Variants in GRM5 observed in about 807,000 individuals in gnomAD.
The protein encoded by GRM5 is glutamate metabotropic receptor 5, also known as metabotropic glutamate receptor 5.
GRM5 carries 19 observed loss-of-function variants against 83.1 expected under a neutral mutation model. The ratio of observed to expected loss-of-function variants is 0.23; its 90% CI spans 0.16 to 0.34. The LOEUF (loss-of-function observed/expected upper bound fraction) is 0.34. Ranked by LOEUF, GRM5 falls within the 10% of genes least tolerant of loss-of-function variation. GRM5 has a pLI of 1.00. For synonymous variants in GRM5, 675 were observed against 633.6 expected, an observed-to-expected ratio of 1.07 and a Z score of -0.98; for missense variants, 1,160 against 1,588.3, an observed-to-expected ratio of 0.73 and a Z score of 4.58.
chr11:88,602,004 T>G (rs1245837534), intron 5 of GRM5, among the ~76,000 whole-genome samples: 1 of 152,200 alleles, frequency 6.6e-6, no homozygotes, highest in African/African-American at 2.4e-5. Context: ...TGATCTAGTC[T>G]GTTAATGGTA....
chr11:88,688,808 G>C (rs1444282679), intron 3 of GRM5, among the ~76,000 whole-genome samples: 2 of 152,136 alleles, frequency 1.3e-5, no homozygotes, highest in South Asian at 2.1e-4. Context: ...CTTTGGATCA[G>C]AGAGACCTGG....
At chr11:88,699,184 T>C (rs1335212591) in intron 3 of GRM5, among the ~76,000 whole-genome samples, 1 of 152,188 alleles carries the variant, frequency 6.6e-6, no homozygotes, top group Non-Finnish European at 1.5e-5. Context: ...CAATGTGTTC[T>C]ATATTCACAT....
At chr11:88,582,840 T>C (rs1453776208) in intron 7 of GRM5, among the ~76,000 whole-genome samples, 1 of 152,108 alleles carries the variant, frequency 6.6e-6, no homozygotes, top group Non-Finnish European at 1.5e-5. Context: ...CTTCTATAAT[T>C]TCCTGAAAAT....
chr11:88,718,699 C>T (rs1436174216), intron 3 of GRM5, among the ~76,000 whole-genome samples: 1 of 151,886 alleles, frequency 6.6e-6, no homozygotes, highest in Admixed American at 6.6e-5. Context: ...TTCCTAGTTT[C>T]CATTTTGATT....
At chr11:88,902,647 T>C (rs892508414) in intron 2 of GRM5, among the ~76,000 whole-genome samples, 34 of 151,294 alleles carry the variant, frequency 2.2e-4, no homozygotes, top group African/African-American at 8.3e-4. Flanking sequence ...AACAGAAAAA[T>C]AAATATGTGT....
At chr11:88,774,619 G>A (rs112684491) in intron 3 of GRM5, among the ~76,000 whole-genome samples, 3 of 152,238 alleles carry the variant, frequency 2.0e-5, no homozygotes, top group Admixed American at 6.5e-5. Flanking sequence ...TTTGAGATAC[G>A]TTCCATCAAT....
intron 8 of GRM5, among the ~76,000 whole-genome samples, chr11:88,549,220 T>C (rs1253695310): frequency 6.6e-6 from 1 of 151,882 alleles, no homozygotes; most frequent in East Asian, 1.9e-4. Flanking sequence ...TCCCAGCAAT[T>C]TGGGAGACCA....
At chr11:88,926,909 A>G (rs1945799137) in intron 2 of GRM5, among the ~76,000 whole-genome samples, 1 of 152,168 alleles carries the variant, frequency 6.6e-6, no homozygotes, top group South Asian at 2.1e-4. Flanking sequence ...GACTACATAA[A>G]TTAATTATTT....
intron 7 of GRM5, among the ~76,000 whole-genome samples, chr11:88,576,144 G>A (rs1943105276): frequency 6.6e-6 from 1 of 152,148 alleles, no homozygotes; most frequent in South Asian, 2.1e-4. Context: ...AAAGCGTGCT[G>A]ACTGGAATAA....
At chr11:89,032,202 T>C (rs1156449671) in intron 2 of GRM5, among the ~76,000 whole-genome samples, 21 of 152,204 alleles carry the variant, frequency 1.4e-4, no homozygotes, top group Non-Finnish European at 3.1e-4. Context: ...GCATCAATCA[T>C]TTTACAATTG....
intron 2 of GRM5, among the ~76,000 whole-genome samples, chr11:89,012,550 A>G (rs1351462787): frequency 2.0e-5 from 3 of 152,238 alleles, no homozygotes; most frequent in South Asian, 2.1e-4. Context: ...ATGACTCTAC[A>G]TTGAATGCAT....
At chr11:88,776,925 G>A (rs1023321475) in intron 3 of GRM5, among the ~76,000 whole-genome samples, 1 of 152,156 alleles carries the variant, frequency 6.6e-6, no homozygotes, top group Non-Finnish European at 1.5e-5. Flanking sequence ...TCTTGGGGTT[G>A]CTCTTCTTGA....
intron 8 of GRM5, among the ~76,000 whole-genome samples, chr11:88,536,466 C>T (rs1000222579): frequency 2.0e-5 from 3 of 152,180 alleles, no homozygotes; most frequent in African/African-American, 7.2e-5. Flanking sequence ...CTCTCTCTTT[C>T]CCTTTGCCTC....
intron 2 of GRM5, among the ~76,000 whole-genome samples, chr11:88,945,246 C>A (rs545511807): frequency 6.6e-6 from 1 of 151,882 alleles, no homozygotes; most frequent in East Asian, 1.9e-4. Context: ...TCATAGATGA[C>A]ACAAAACAAA....
chr11:88,524,214 C>CTTTTTTTTTT (rs71470770), intron 9 of GRM5, among the ~76,000 whole-genome samples: 2 of 101,406 alleles, frequency 2.0e-5, no homozygotes, highest in South Asian at 3.3e-4. Flanking sequence ...TTCTTTCTTT[C>CTTTTTTTTTT]TTTTTTTTTT....
chr11:88,855,521 A>T (rs1306420068), intron 2 of GRM5, among the ~76,000 whole-genome samples: 3 of 151,928 alleles, frequency 2.0e-5, no homozygotes, highest in Non-Finnish European at 2.9e-5. Flanking sequence ...TTGCTAAAAA[A>T]GTTTATAATT....
At position 88,788,430 on chromosome 11, in the gene GRM5, G is replaced by GA. The variant is rs1157294161; in HGVS notation, c.911+61475dup. 9.2e-5 allele frequency among the ~76,000 whole-genome samples: 14 copies of GA among 151,958 alleles called. No individual in the cohort carries two copies. In the East Asian group the frequency reaches 2.3e-3, roughly 25 times the overall value. Reference sequence around the variant, plus strand: ...GCCATGTGAGGTGTTAAAGCACATGGAAAAAAATGGGATGGTAGGAAGAAT... The same window carrying GA: ...GCCATGTGAGGTGTTAAAGCACATGGAAAAAAAATGGGATGGTAGGAAGAAT... On this transcript the variant is annotated intron_variant, in intron 3 of 9. Transcript: ENST00000305447.
intron 3 of GRM5, among the ~76,000 whole-genome samples, chr11:88,676,888 A>G (rs1940343080): frequency 6.6e-6 from 1 of 152,110 alleles, no homozygotes; most frequent in African/African-American, 2.4e-5. Flanking sequence ...GACAAGAAAA[A>G]GTCATTTTGT....
chr11:88,953,553 T>C (rs1361534569), intron 2 of GRM5, among the ~76,000 whole-genome samples: 1 of 152,192 alleles, frequency 6.6e-6, no homozygotes, highest in Non-Finnish European at 1.5e-5. Flanking sequence ...TTCTAAACTA[T>C]AAAACCACAT....
Sources: allele counts gnomAD v4.1 joint callset (sites outside exome capture counted in the v4.1 genomes callset), GRCh38; gene constraint gnomAD v4.1.1; transcripts MANE v1.5; gene names NCBI Gene and HGNC (gene_info 2026-07-23, HGNC 2026-07-21).